Variants in PHF20 observed in about 807,000 individuals in gnomAD.
The protein encoded by PHF20 is PHD finger protein 20, also known as glioma-expressed antigen 2.
PHF20 carries 23 observed loss-of-function variants against 113.5 expected under a neutral mutation model. The ratio of observed to expected loss-of-function variants is 0.20; its 90% CI spans 0.15 to 0.29. The LOEUF is 0.29. PHF20 is among the 10% of genes least tolerant of loss of function. PHF20 has a pLI of 1.00. For missense variants in PHF20, 943 were observed against 1,219.6 expected, an observed-to-expected ratio of 0.77 and a Z score of 3.38; for synonymous variants, 434 against 457.3, an observed-to-expected ratio of 0.95 and a Z score of 0.65.
At chr20:35,868,118 A>T (rs1385856186) in intron 6 of PHF20, among the ~76,000 whole-genome samples, 1 of 151,804 alleles carries the variant, frequency 6.6e-6, no homozygotes, top group Non-Finnish European at 1.5e-5. Flanking sequence ...ACATGGAGAA[A>T]CCCTGTCTCT....
At chr20:35,940,126 TCA>T (rs2055948268) in intron 16 of PHF20, among the ~76,000 whole-genome samples, 1 of 152,164 alleles carries the variant, frequency 6.6e-6, no homozygotes, top group Non-Finnish European at 1.5e-5. Context: ...GTAAAATCCC[TCA>T]GTTTTGCACA....
At position 35,847,354 on chromosome 20, in the gene PHF20, T is replaced by A; in HGVS notation, c.260T>A (p.Phe87Tyr). Residue 87 changes from phenylalanine to tyrosine, a missense_variant, in exon 4 of 18, where the codon TTT becomes TAT. Physicochemically the swap from Phe to Tyr is conservative, Grantham distance 22. Transcript: ENST00000374012. ...GLHEEDGSSE[F>Y]QINEQVLACW... ...TTTTTTTTTTATGTTTTTTAGGAAT[T>A]TCAAATAAATGAGCAGGTCCTTGCT... is the stretch of plus-strand genomic sequence containing the variant. The A allele has an allele frequency of 1.3e-6, 2 of 1,596,758 alleles. No individual in the cohort carries two copies. Among genetic ancestry groups the A allele is most frequent in the Non-Finnish European group, 1.7e-6 (2 of 1,172,056 alleles).
intron 17 of PHF20, among the ~76,000 whole-genome samples, chr20:35,941,503 G>A (rs540648846): frequency 5.9e-5 from 9 of 152,208 alleles, no homozygotes; most frequent in Non-Finnish European, 1.3e-4. Flanking sequence ...TTGAGAATTT[G>A]CCTGAGTCAT....
intron 2 of PHF20, among the ~76,000 whole-genome samples, chr20:35,829,364 T>C (rs1207068346): frequency 6.6e-6 from 1 of 152,176 alleles, no homozygotes; most frequent in Admixed American, 6.5e-5. Flanking sequence ...TTTTTTCTTT[T>C]TTTCTTGGTG....
chr20:35,862,777 C>A (rs2054240155), intron 5 of PHF20, among the ~76,000 whole-genome samples: 1 of 152,122 alleles, frequency 6.6e-6, no homozygotes, highest in South Asian at 2.1e-4. Context: ...TTTCTAGTGA[C>A]TTATTCGTCA....
intron 10 of PHF20, among the ~76,000 whole-genome samples, chr20:35,904,608 C>T (rs769006577): frequency 3.3e-5 from 5 of 152,006 alleles, no homozygotes; most frequent in Non-Finnish European, 7.4e-5. Context: ...AAGTACCCTG[C>T]AGAGATTTCT....
At chr20:35,892,293 T>C (rs1347357723) in intron 9 of PHF20, among the ~76,000 whole-genome samples, 1 of 150,072 alleles carries the variant, frequency 6.7e-6, no homozygotes, top group Non-Finnish European at 1.5e-5. Context: ...CAGGCTGGTC[T>C]TGAACTCCCG....
chr20:35,831,191 A>C (rs2042352500), intron 2 of PHF20, among the ~76,000 whole-genome samples: 2 of 132,432 alleles, frequency 1.5e-5, no homozygotes, highest in African/African-American at 3.1e-5. Flanking sequence ...TTTGGGTCTC[A>C]CTCTATCACC....
chr20:35,875,332 A>G (rs1174071464), intron 9 of PHF20, among the ~76,000 whole-genome samples: 1 of 150,938 alleles, frequency 6.6e-6, no homozygotes, highest in African/African-American at 2.4e-5. Context: ...CAGAAGGCAG[A>G]GGTTGCAGTG....
At chr20:35,918,229 G>C (rs950174813) in intron 13 of PHF20, among the ~76,000 whole-genome samples, 1 of 152,112 alleles carries the variant, frequency 6.6e-6, no homozygotes, top group Non-Finnish European at 1.5e-5. Flanking sequence ...GTAAATTGCA[G>C]TTCTGGGAGA....
chr20:35,804,312 C>T (rs2041842219), intron 2 of PHF20, among the ~76,000 whole-genome samples: 1 of 149,222 alleles, frequency 6.7e-6, no homozygotes, highest in Non-Finnish European at 1.5e-5. Flanking sequence ...CTCCTCACTG[C>T]AAGCACTGCC....
In PHF20 at chr20:35,899,423, G is replaced by A. The variant is rs374084712; in HGVS notation, c.1336G>A (p.Val446Ile). The change falls in exon 10 of 18, where the codon GTC (valine) becomes ATC (isoleucine). Residue 446 changes from valine (V) to isoleucine (I), a missense_variant. Physicochemically the swap from Val to Ile is conservative, Grantham distance 29. Around this residue, in one of 3 missense-constraint regions of PHF20, gnomAD observed 592 missense variants for 787.2 expected, o/e 0.75. Transcript: ENST00000374012. The stretch of plus-strand genomic sequence containing the variant: ...TTTTGGGTCATCTAATGCACCAGCT[G>A]TCGACCTAGACCATAAGTTTAGATG... ...DDFGSSNAPA[V>I]DLDHKFRCKV... is the part of the protein sequence containing the mutation. 7 of 1,613,796 alleles carry A rather than the reference G, an allele frequency of 4.3e-6. No homozygotes were observed. The African/African-American group carries it at 5.3e-5, about 12-fold the overall frequency.
At chr20:35,838,628 A>G (rs368205445) in intron 2 of PHF20, among the ~76,000 whole-genome samples, 1 of 152,186 alleles carries the variant, frequency 6.6e-6, no homozygotes, top group African/African-American at 2.4e-5. Context: ...GATATTAGGA[A>G]GGGTATTAAA....
intron 2 of PHF20, among the ~76,000 whole-genome samples, chr20:35,805,453 G>T (rs1310121987): frequency 6.6e-6 from 1 of 150,712 alleles, no homozygotes; most frequent in Non-Finnish European, 1.5e-5. Flanking sequence ...CGCAATCTCG[G>T]CTCACTGCAA....
intron 1 of PHF20, among the ~76,000 whole-genome samples, chr20:35,797,573 T>C (rs1337303941): frequency 6.7e-6 from 1 of 149,776 alleles, no homozygotes; most frequent in Non-Finnish European, 1.5e-5. Flanking sequence ...ACCACCAGAA[T>C]AAAATAAAAT....
intron 3 of PHF20, among the ~76,000 whole-genome samples, chr20:35,844,706 A>T (rs762539262): frequency 6.6e-6 from 1 of 152,116 alleles, no homozygotes; most frequent in Non-Finnish European, 1.5e-5. Context: ...TTTTAAGATT[A>T]CAGATTAAGC....
intron 1 of PHF20, among the ~76,000 whole-genome samples, chr20:35,775,781 A>C (rs1448648565): frequency 6.7e-6 from 1 of 150,162 alleles, no homozygotes; most frequent in Non-Finnish European, 1.5e-5. Context: ...AAAAGGCCAA[A>C]ACTTCTCCAG....
rs1056597135 is a variant in PHF20 at position 35,801,457 on chromosome 20, C to G, written c.-32-34C>G. 2.5e-6 allele frequency: 3 copies of G among 1,185,830 alleles called. No homozygotes were observed. The Admixed American group carries it at 5.6e-5, about 22-fold the overall frequency. 73.5% of individuals were successfully genotyped at this position (1,185,830 alleles called of 1,614,324 possible). A position where few individuals can be genotyped will look rare whatever the true frequency, so the allele number is the denominator to read the frequency against. On this transcript the variant is annotated intron_variant, in intron 1 of 17. Coordinates refer to ENST00000374012, the MANE Select transcript of PHF20 (RefSeq NM_016436.5). ...ATGCTACACTCTGGGTGGACTTTGCCTAAGTTTCATAAATATTTAATTGGC... is the reference window on the plus strand; with the variant it reads ...ATGCTACACTCTGGGTGGACTTTGCGTAAGTTTCATAAATATTTAATTGGC...
At chr20:35,829,144 C>T (rs1406357124) in intron 2 of PHF20, among the ~76,000 whole-genome samples, 1 of 152,116 alleles carries the variant, frequency 6.6e-6, no homozygotes, top group Non-Finnish European at 1.5e-5. Flanking sequence ...CACGATGTAG[C>T]ACCTGACTTA....
Sources: allele counts gnomAD v4.1 joint callset (sites outside exome capture counted in the v4.1 genomes callset), GRCh38; gene constraint gnomAD v4.1.1; regional missense constraint gnomAD v4.1.1; transcripts MANE v1.5; gene names NCBI Gene and HGNC (gene_info 2026-07-23, HGNC 2026-07-21).